Variants in CNTNAP2 observed in about 807,000 individuals in gnomAD.
CNTNAP2 encodes the protein contactin-associated protein-like 2.
In CNTNAP2, 98 loss-of-function variants were observed where a neutral mutation model predicts 155.2. That is an observed-to-expected ratio of 0.63 (90% CI 0.54 to 0.75). CNTNAP2 has a LOEUF of 0.75. Ranked by LOEUF, CNTNAP2 falls within the 30% of genes least tolerant of loss-of-function variation. The probability of loss-of-function intolerance (pLI) is 0.00; values close to 1 mark genes in which losing one functional copy is unlikely to be tolerated. For synonymous variants in CNTNAP2, 651 were observed against 631.2 expected, an observed-to-expected ratio of 1.03 and a Z score of -0.47; for missense variants, 1,727 against 1,688.1, an observed-to-expected ratio of 1.02 and a Z score of -0.40.
intron 8 of CNTNAP2, among the ~76,000 whole-genome samples, chr7:147,284,271 T>C (rs183208010): frequency 6.6e-6 from 1 of 152,004 alleles, no homozygotes; most frequent in East Asian, 1.9e-4. Context: ...AAAAGGAATC[T>C]TGTAATTCAG....
chr7:146,832,873 T>C (rs1260045625), intron 2 of CNTNAP2, among the ~76,000 whole-genome samples: 1 of 151,860 alleles, frequency 6.6e-6, no homozygotes. Context: ...TTTTTGTATA[T>C]TTTTTTAGTA....
rs372240823 is a variant in CNTNAP2 at position 146,950,520 on chromosome 7, C to T, written c.403-93387C>T. On this transcript the variant is annotated intron_variant, in intron 3 of 23. Transcript: ENST00000361727. ...CCGTGTGTTCTCAGTGTTTAATTAC[C>T]ACTTATGAGTGAGAATATGTGGTGT... is the stretch of plus-strand genomic sequence containing the variant. 1.8e-4 allele frequency among the ~76,000 whole-genome samples: 28 copies of T among 152,170 alleles called. 2 individuals are homozygous for T. In the East Asian group the frequency reaches 4.5e-3, roughly 24 times the overall value.
At chr7:147,696,617 C>A (rs950852201) in intron 13 of CNTNAP2, among the ~76,000 whole-genome samples, 10 of 152,030 alleles carry the variant, frequency 6.6e-5, no homozygotes, top group Non-Finnish European at 1.0e-4. Context: ...TTATGTAGAT[C>A]TAGTTTCTGA....
At chr7:146,622,972 A>T (rs560356706) in intron 1 of CNTNAP2, among the ~76,000 whole-genome samples, 1 of 149,290 alleles carries the variant, frequency 6.7e-6, no homozygotes, top group South Asian at 2.1e-4. Context: ...AAAAAAAGAA[A>T]AAAGAAAAAA....
chr7:147,131,064 ATG>A (rs1341243621), intron 7 of CNTNAP2, among the ~76,000 whole-genome samples: 2,043 of 139,362 alleles, frequency 0.015, 49 homozygotes, highest in African/African-American at 0.052. Flanking sequence ...GTGTATATAT[ATG>A]TGTGTATATA....
chr7:148,039,007 A>G (rs1444240940), intron 15 of CNTNAP2, among the ~76,000 whole-genome samples: 1 of 152,244 alleles, frequency 6.6e-6, no homozygotes, highest in Non-Finnish European at 1.5e-5. Context: ...AATAGAAGAT[A>G]TACATCTGTA....
intron 1 of CNTNAP2, among the ~76,000 whole-genome samples, chr7:146,232,685 C>T (rs1187758938): frequency 6.6e-6 from 1 of 152,102 alleles, no homozygotes; most frequent in African/African-American, 2.4e-5. Context: ...TCTCTAATAA[C>T]CCTATACACT....
At chr7:147,077,014 C>T (rs1800013532) in intron 4 of CNTNAP2, among the ~76,000 whole-genome samples, 1 of 152,072 alleles carries the variant, frequency 6.6e-6, no homozygotes, top group African/African-American at 2.4e-5. Flanking sequence ...GCTTCGTTTC[C>T]TCCCACAGAT....
At chr7:147,918,737 CAG>C (rs1215527863) in intron 14 of CNTNAP2, among the ~76,000 whole-genome samples, 1 of 152,016 alleles carries the variant, frequency 6.6e-6, no homozygotes, top group Non-Finnish European at 1.5e-5. Flanking sequence ...ATTCTAAAGA[CAG>C]AAATACAGGA....
At chr7:146,354,015 C>G (rs577569598) in intron 1 of CNTNAP2, among the ~76,000 whole-genome samples, 12 of 152,218 alleles carry the variant, frequency 7.9e-5, no homozygotes, top group Admixed American at 2.6e-4. Context: ...TTCACATATA[C>G]TGCTAACTTA....
At chr7:148,177,236 A>G (rs1488606773) in intron 18 of CNTNAP2, among the ~76,000 whole-genome samples, 1 of 152,198 alleles carries the variant, frequency 6.6e-6, no homozygotes, top group Non-Finnish European at 1.5e-5. Flanking sequence ...AGATGTGATT[A>G]TGGTAAGTTG....
At chr7:147,095,593 G>T (rs1800514696) in intron 4 of CNTNAP2, among the ~76,000 whole-genome samples, 1 of 151,658 alleles carries the variant, frequency 6.6e-6, no homozygotes, top group African/African-American at 2.4e-5. Flanking sequence ...GATGTATGTT[G>T]TTTCATTGTC....
intron 15 of CNTNAP2, among the ~76,000 whole-genome samples, chr7:148,061,783 G>A (rs973426332): frequency 6.6e-6 from 1 of 150,768 alleles, no homozygotes; most frequent in African/African-American, 2.4e-5. Context: ...ATAGGAACAA[G>A]TCTGTCTTTC....
chr7:146,416,456 A>G (rs903706595), intron 1 of CNTNAP2, among the ~76,000 whole-genome samples: 1 of 152,144 alleles, frequency 6.6e-6, no homozygotes, highest in Non-Finnish European at 1.5e-5. Context: ...ACATGTGATC[A>G]GCATGGCACA....
intron 1 of CNTNAP2, among the ~76,000 whole-genome samples, chr7:146,684,455 A>G (rs1255791410): frequency 2.0e-5 from 3 of 152,064 alleles, no homozygotes; most frequent in African/African-American, 7.2e-5. Flanking sequence ...GATATTCTTG[A>G]ATTTAAAGAC....
At position 146,377,850 on chromosome 7, in the gene CNTNAP2, TA is replaced by T. The variant is rs539287354; in HGVS notation, c.97+260878del. Among the ~76,000 whole-genome samples the T allele has an allele frequency of 3.9e-4, 60 of 152,324 alleles. 2 individuals carry two copies. In the South Asian group the frequency reaches 0.012, roughly 31 times the overall value. On this transcript the variant is annotated intron_variant, in intron 1 of 23. Transcript: ENST00000361727. ...GAGTTATTAATTGTTGAAGTTGGAT[TA>T]TGAGTAATATAACATGCAAATTCTG...
intron 3 of CNTNAP2, among the ~76,000 whole-genome samples, chr7:146,947,557 G>GTATATATATATATATA (rs1325610298): frequency 2.0e-5 from 1 of 50,714 alleles, no homozygotes; most frequent in African/African-American, 5.7e-5. Flanking sequence ...GTGTGTGTGT[G>GTATATATATATATATA]TATATATATA....
intron 13 of CNTNAP2, among the ~76,000 whole-genome samples, chr7:147,695,344 C>A (rs1796145838): frequency 6.6e-6 from 1 of 152,102 alleles, no homozygotes; most frequent in Non-Finnish European, 1.5e-5. Flanking sequence ...TAGGTGTCGA[C>A]TGTACCTAGA....
intron 4 of CNTNAP2, among the ~76,000 whole-genome samples, chr7:147,047,673 T>G (rs1269721439): frequency 1.3e-5 from 2 of 152,192 alleles, no homozygotes; most frequent in Admixed American, 6.5e-5. Context: ...AGGTGTAGAC[T>G]TAAACTGTGA....
Sources: allele counts gnomAD v4.1 joint callset (sites outside exome capture counted in the v4.1 genomes callset), GRCh38; gene constraint gnomAD v4.1.1; transcripts MANE v1.5; gene names NCBI Gene and HGNC (gene_info 2026-07-23, HGNC 2026-07-21).